ATG5: variants seen among roughly 807,000 people sequenced by gnomAD.
The protein encoded by ATG5 is autophagy protein 5.
A neutral mutation model predicts 36.5 loss-of-function variants in ATG5; 14 were observed. The ratio of observed to expected loss-of-function variants is 0.38; its 90% CI spans 0.25 to 0.60. ATG5 has a LOEUF of 0.60. Ranked by LOEUF, ATG5 falls within the 20% of genes least tolerant of loss-of-function variation. ATG5 has a pLI of 0.60. For missense variants in ATG5, 195 were observed against 326.7 expected (o/e 0.60, Z 3.11); for synonymous variants, 95 against 101.5 (o/e 0.94, Z 0.38).
chr6:106,225,024 C>T (rs1420484144), intron 6 of ATG5, among the ~76,000 whole-genome samples: 7 of 152,198 alleles, frequency 4.6e-5, no homozygotes, highest in African/African-American at 1.7e-4. Flanking sequence ...GTTAAAATAA[C>T]TCACAGCAAA....
At chr6:106,325,083 C>A (rs1016250892) in intron 1 of ATG5, among the ~76,000 whole-genome samples, 5 of 152,310 alleles carry the variant, frequency 3.3e-5, no homozygotes, top group African/African-American at 9.6e-5. Flanking sequence ...CAGAAAATGT[C>A]TTTGGTAGCA....
chr6:106,289,847 T>C (rs1780231916), intron 4 of ATG5, among the ~76,000 whole-genome samples: 1 of 152,172 alleles, frequency 6.6e-6, no homozygotes, highest in Non-Finnish European at 1.5e-5. Context: ...AGACAACCAA[T>C]GGATTACCTT....
intron 7 of ATG5, among the ~76,000 whole-genome samples, chr6:106,200,688 GC>G (rs1411537564): frequency 6.6e-6 from 1 of 152,022 alleles, no homozygotes; most frequent in Non-Finnish European, 1.5e-5. Context: ...CACCATGTTA[GC>G]CAGGATGGTC....
chr6:106,290,730 TG>T (rs1194817003), intron 4 of ATG5, among the ~76,000 whole-genome samples: 8 of 152,234 alleles, frequency 5.3e-5, no homozygotes, highest in African/African-American at 1.9e-4. Context: ...TTTTTACACA[TG>T]CATGATCTTG....
At chr6:106,204,361 G>A (rs1387545998) in intron 6 of ATG5, among the ~76,000 whole-genome samples, 6 of 152,092 alleles carry the variant, frequency 3.9e-5, no homozygotes, top group African/African-American at 1.5e-4. Context: ...ATATATTTGA[G>A]TGTTTGTGAC....
At chr6:106,288,827 T>C (rs968104252) in intron 4 of ATG5, among the ~76,000 whole-genome samples, 11 of 152,192 alleles carry the variant, frequency 7.2e-5, no homozygotes, top group Non-Finnish European at 1.2e-4. Context: ...TATAAACCTA[T>C]ACAAATCACA....
rs202054203 is a variant in ATG5 at position 106,307,385 on chromosome 6, A to AT, written c.236+978dup. Among the ~76,000 whole-genome samples the AT allele has an allele frequency of 1.5e-3, 216 of 148,964 alleles. 2 individuals carry two copies. The East Asian group carries it at 0.016, about 11-fold the overall frequency. On this transcript the variant is annotated intron_variant, in intron 3 of 7. Coordinates refer to ENST00000369076, the MANE Select transcript of ATG5 (RefSeq NM_004849.4). ...ATTAACATCCAGCATACCTTCAACT[A>AT]TTTTTTTTTTACATTCTTCTCTCTG...
chr6:106,298,666 A>G (rs1770080206), intron 3 of ATG5, among the ~76,000 whole-genome samples: 1 of 152,234 alleles, frequency 6.6e-6, no homozygotes, highest in Non-Finnish European at 1.5e-5. Flanking sequence ...CGAAGGAGTA[A>G]GATAACCATT....
At chr6:106,233,802 TTC>T (rs1340195690) in intron 6 of ATG5, among the ~76,000 whole-genome samples, 1 of 152,114 alleles carries the variant, frequency 6.6e-6, no homozygotes, top group Non-Finnish European at 1.5e-5. Flanking sequence ...CTCTTTACTG[TTC>T]TCTTACCCCC....
At position 106,188,504 on chromosome 6, in the gene ATG5, G is replaced by A. The variant is rs1198446195; in HGVS notation, c.692-1828C>T. Among the ~76,000 whole-genome samples, 4 of 152,272 alleles carry A rather than the reference G, an allele frequency of 2.6e-5. No individual in the cohort carries two copies. The East Asian group carries it at 7.7e-4, about 29-fold the overall frequency. ...GTCACAACTCAATATCCAAAGTACT[G>A]TATCTAAAGCAATATTTAAACATGG... On this transcript the variant is annotated intron_variant, in intron 7 of 7. Coordinates refer to ENST00000369076, the MANE Select transcript of ATG5 (RefSeq NM_004849.4).
chr6:106,206,724 C>T (rs1776649652), intron 6 of ATG5, among the ~76,000 whole-genome samples: 3 of 151,350 alleles, frequency 2.0e-5, no homozygotes, highest in African/African-American at 7.3e-5. Flanking sequence ...AAGACAATTA[C>T]CCTTAAAATA....
rs3216460 is a variant in ATG5, at chr6:106,194,545, CT to C, written c.691+7426del. On this transcript the variant is annotated intron_variant, in intron 7 of 7. Coordinates refer to ENST00000369076, the MANE Select transcript of ATG5 (RefSeq NM_004849.4). ...CATTTTTTCTTTTCTTTTTCTTTTT[CT>C]TTTTTTTTTGAGATGGAGTTTCACT... 8.1e-3 allele frequency among the ~76,000 whole-genome samples: 1,131 copies of C among 138,980 alleles called. 15 individuals are homozygous for C. The highest frequency in any genetic ancestry group is 0.028 in the African/African-American group (1,062 of 37,376). 91.2% of individuals were successfully genotyped at this position (138,980 alleles called of 152,430 possible).
At chr6:106,272,439 C>T (rs1282335413) in intron 5 of ATG5, among the ~76,000 whole-genome samples, 2 of 152,206 alleles carry the variant, frequency 1.3e-5, no homozygotes, top group Non-Finnish European at 2.9e-5. Context: ...CACTCTCGAT[C>T]TTGATCACCA....
chr6:106,189,624 C>CA (rs1215489703), intron 7 of ATG5, among the ~76,000 whole-genome samples: 4 of 113,038 alleles, frequency 3.5e-5, no homozygotes, highest in African/African-American at 1.3e-4. Flanking sequence ...TGTGTAAAAA[C>CA]AAAAAATTAA....
At chr6:106,306,648 TGA>T (rs898328221) in intron 3 of ATG5, among the ~76,000 whole-genome samples, 9 of 152,236 alleles carry the variant, frequency 5.9e-5, no homozygotes, top group South Asian at 2.1e-4. Context: ...CACAAAATTC[TGA>T]GATAATCTGT....
At chr6:106,323,180 G>C (rs1022483988) in intron 1 of ATG5, among the ~76,000 whole-genome samples, 2 of 150,304 alleles carry the variant, frequency 1.3e-5, no homozygotes, top group Admixed American at 6.6e-5. Flanking sequence ...CTCGTGATCC[G>C]CCCGCCTTGG....
At chr6:106,205,586 T>A (rs898652359) in intron 6 of ATG5, among the ~76,000 whole-genome samples, 4 of 152,070 alleles carry the variant, frequency 2.6e-5, no homozygotes. Flanking sequence ...TGAAAAAAAA[T>A]GCTAAACAGG....
chr6:106,324,374 T>A (rs550800172), intron 1 of ATG5, among the ~76,000 whole-genome samples: 6 of 152,290 alleles, frequency 3.9e-5, no homozygotes, highest in African/African-American at 1.4e-4. Context: ...CCATTTTATA[T>A]CAGGGACTTG....
chr6:106,275,191 A>G (rs1165297376), intron 5 of ATG5, among the ~76,000 whole-genome samples: 1 of 152,270 alleles, frequency 6.6e-6, no homozygotes, highest in African/African-American at 2.4e-5. Context: ...ATTCCTGATA[A>G]AAGAAACAGA....
Sources: gnomAD v4.1 joint callset for allele counts (sites outside exome capture counted in the v4.1 genomes callset) on GRCh38, gnomAD v4.1.1 for gene constraint, MANE v1.5 for transcripts, NCBI Gene and HGNC (gene_info 2026-07-23, HGNC 2026-07-21) for gene names.